Variants in ATP13A5 observed in about 807,000 individuals in gnomAD.
The protein encoded by ATP13A5 is probable cation-transporting ATPase 13A5.
In ATP13A5, 149 loss-of-function variants were observed where a neutral mutation model predicts 150.2. The observed-to-expected ratio is 0.99, with a 90% CI of 0.87 to 1.14. The LOEUF is 1.14. Ranked by LOEUF, ATP13A5 falls within the 50% of genes most tolerant of loss-of-function variation. The pLI is 0.00. For synonymous variants in ATP13A5, 497 were observed against 522.2 expected (o/e 0.95, Z 0.66); for missense variants, 1,383 against 1,449.3 (o/e 0.95, Z 0.74).
At chr3:193,362,485 C>A (rs778479446) in intron 4 of ATP13A5, 24 bp from the exon 5 acceptor site, 2 of 1,613,492 alleles carry the variant, frequency 1.2e-6, no homozygotes, top group Admixed American at 1.7e-5. Context: ...AGGATAGGAA[C>A]CACACTTCAG....
intron 25 of ATP13A5, 99 bp downstream of exon 25, chr3:193,299,032 T>C (rs865991267): frequency 3.3e-6 from 3 of 918,864 alleles, no homozygotes; most frequent in East Asian, 2.7e-5. Flanking sequence ...GTTTTGGAAA[T>C]AAGGGTGCCT....
intron 1 of ATP13A5, among the ~76,000 whole-genome samples, chr3:193,371,149 T>G (rs1166994711): frequency 6.6e-6 from 1 of 152,172 alleles, no homozygotes; most frequent in African/African-American, 2.4e-5. Flanking sequence ...AAAACAGAAT[T>G]TGCCCTAGAT....
chr3:193,297,129 A>G (rs115521026), intron 25 of ATP13A5, among the ~76,000 whole-genome samples: 2,603 of 152,188 alleles, frequency 0.017, 38 homozygotes, highest in Non-Finnish European at 0.024. Context: ...AATTTGCAGC[A>G]GAAAAAAGAA....
intron 11 of ATP13A5, 78 bp downstream of exon 11, chr3:193,333,672 A>G (rs903827190): frequency 1.4e-5 from 20 of 1,388,026 alleles, no homozygotes; most frequent in Non-Finnish European, 1.8e-5. Context: ...TCAAGATGTA[A>G]CCTAAACCAA....
In ATP13A5 at chr3:193,315,100, T is replaced by C. The variant is rs757588677; in HGVS notation, c.2034-4A>G. On this transcript the variant is annotated splice_region_variant and splice_polypyrimidine_tract_variant and intron_variant, in intron 17 of 29. Transcript: ENST00000342358. The stretch of plus-strand genomic sequence containing the variant: ...TAACTCTGACTCCACTTTTTCTCTT[T>C]GTATTCAGGAGAAAATCAATATTAA... The C allele has an allele frequency of 6.2e-7, 1 of 1,613,078 alleles. No homozygotes were observed. Among genetic ancestry groups the C allele is most frequent in the Non-Finnish European group, 8.5e-7 (1 of 1,179,448 alleles).
At position 193,285,034 on chromosome 3, in the gene ATP13A5, G is replaced by T; in HGVS notation, c.3106C>A (p.Pro1036Thr). 6.2e-7 allele frequency: 1 copy of T among 1,614,064 alleles called. No homozygotes were observed. The highest frequency in any genetic ancestry group is 8.5e-7 in the Non-Finnish European group (1 of 1,179,968). The part of the protein sequence containing the change: ...RNWTGNATLI[P>T]GSILSFETTT... ...GTCTCAAAACTTAAAATTGAACCAG[G>T]AATCAGAGTTGCATTTCCAGTCCAG... Residue 1036 changes from proline (P) to threonine (T), a missense_variant, in exon 27 of 30, where the codon CCT becomes ACT. Pro to Thr is a conservative substitution (Grantham distance 38, BLOSUM62 -1). Transcript: ENST00000342358.
chr3:193,278,853 A>C (rs1717347777), intron 28 of ATP13A5, among the ~76,000 whole-genome samples: 1 of 152,170 alleles, frequency 6.6e-6, no homozygotes, highest in African/African-American at 2.4e-5. Context: ...TTTCTCTCAC[A>C]ATACGGGGTC....
chr3:193,307,253 C>A (rs1718651102), intron 22 of ATP13A5, 74 bp downstream of exon 22: 10 of 1,608,680 alleles, frequency 6.2e-6, no homozygotes, highest in Non-Finnish European at 8.5e-6. Flanking sequence ...AAGAGACAAA[C>A]CCCAGGAGAG....
At chr3:193,375,962 G>T (rs1713626331) in intron 1 of ATP13A5, among the ~76,000 whole-genome samples, 1 of 152,180 alleles carries the variant, frequency 6.6e-6, no homozygotes, top group Non-Finnish European at 1.5e-5. Context: ...ACAACGGATT[G>T]TTCACTTGAA....
At chr3:193,349,476 C>T (rs1246117315) in intron 7 of ATP13A5, among the ~76,000 whole-genome samples, 4 of 128,120 alleles carry the variant, frequency 3.1e-5, no homozygotes, top group Admixed American at 8.6e-5. Context: ...AACAATAAAC[C>T]ATAAAGGAAA....
At position 193,364,194 on chromosome 3, in the gene ATP13A5, C is replaced by T. The variant is rs754081976; in HGVS notation, c.150G>A (p.Val50=). 6.8e-6 allele frequency: 11 copies of T among 1,614,140 alleles called. No homozygotes were observed. In the East Asian group the frequency reaches 2.5e-4, roughly 36 times the overall value. ...SVLTCGGLLL[V]FYWRPQWRVW... ...CTCTCCACTGGGGTCTCCAGTAGAA[C>T]ACCAGCAGAAGGCCCCCACAGGTCA... Residue 50 remains valine (V), a synonymous_variant, in exon 2 of 30, where the codon GTG becomes GTA. Transcript: ENST00000342358.
At chr3:193,374,750 G>T (rs1345420894) in intron 1 of ATP13A5, among the ~76,000 whole-genome samples, 4 of 152,116 alleles carry the variant, frequency 2.6e-5, no homozygotes, top group Non-Finnish European at 4.4e-5. Context: ...GATATGGTTT[G>T]AATGTGTTCT....
intron 29 of ATP13A5, among the ~76,000 whole-genome samples, chr3:193,275,992 A>G (rs901193512): frequency 3.3e-5 from 5 of 152,126 alleles, no homozygotes; most frequent in Admixed American, 3.3e-4. Flanking sequence ...TCTCAACAAC[A>G]CTTAAGTTGA....
chr3:193,339,514 T>C (rs1712031423), intron 9 of ATP13A5, among the ~76,000 whole-genome samples: 1 of 152,204 alleles, frequency 6.6e-6, no homozygotes, highest in African/African-American at 2.4e-5. Context: ...TCAAAACTCA[T>C]TTTCTGCTGT....
intron 25 of ATP13A5, 89 bp downstream of exon 25, chr3:193,299,042 T>A: frequency 9.2e-7 from 1 of 1,081,214 alleles, no homozygotes; most frequent in South Asian, 1.5e-5. Context: ...TAAGGGTGCC[T>A]CTTTCTCAAA....
intron 9 of ATP13A5, among the ~76,000 whole-genome samples, chr3:193,336,568 A>T (rs1253613351): frequency 1.3e-5 from 2 of 152,216 alleles, no homozygotes. Flanking sequence ...ACATGAACTC[A>T]TCCGTTTTTA....
At chr3:193,318,880 C>A in intron 17 of ATP13A5, 111 bp downstream of exon 17, 5 of 757,700 alleles carry the variant, frequency 6.6e-6, no homozygotes, top group East Asian at 5.0e-5. Context: ...AAGATTAATT[C>A]TCTGTCTCTG....
At chr3:193,279,976 TA>T (rs57617984) in intron 27 of ATP13A5, among the ~76,000 whole-genome samples, 790 of 59,876 alleles carry the variant, frequency 0.013, 10 homozygotes, top group African/African-American at 0.036. Context: ...GTGTCTTTGT[TA>T]AAAAAAAAAA....
At chr3:193,354,104 A>C (rs1712681564) in intron 6 of ATP13A5, 23 bp downstream of exon 6, 3 of 1,586,020 alleles carry the variant, frequency 1.9e-6, no homozygotes, top group Admixed American at 1.9e-5. Context: ...TTTTTCAAAA[A>C]AAAAAGAAAA....
Sources: gnomAD v4.1 joint callset for allele counts (sites outside exome capture counted in the v4.1 genomes callset) on GRCh38, gnomAD v4.1.1 for gene constraint, MANE v1.5 for transcripts, NCBI Gene and HGNC (gene_info 2026-07-23, HGNC 2026-07-21) for gene names.